Variants in GRIP2 observed in about 807,000 individuals in gnomAD.
GRIP2 encodes glutamate receptor-interacting protein 2.
GRIP2 carries 58 observed loss-of-function variants against 108.3 expected under a neutral mutation model. The observed-to-expected ratio is 0.54, with a 90% CI of 0.43 to 0.67. GRIP2 has a LOEUF of 0.67. GRIP2 is among the 30% of genes least tolerant of loss of function. The pLI is 0.00. For missense variants in GRIP2, 1,278 were observed against 1,430.6 expected (o/e 0.89, Z 1.72); for synonymous variants, 586 against 598.2 (o/e 0.98, Z 0.30).
intron 11 of GRIP2, among the ~76,000 whole-genome samples, chr3:14,515,495 T>C (rs1326893294): frequency 6.6e-6 from 1 of 152,114 alleles, no homozygotes; most frequent in African/African-American, 2.4e-5. Context: ...AAGTCATTTA[T>C]TATTTATCAA....
intron 20 of GRIP2, among the ~76,000 whole-genome samples, chr3:14,504,629 G>A (rs1693867476): frequency 6.6e-6 from 1 of 152,106 alleles, no homozygotes. Flanking sequence ...TCTTTTACAG[G>A]GGCACGCAAG....
Position 14,521,695 on chromosome 3 carries a change from C to G in GRIP2, c.659G>C (p.Arg220Pro). The G allele has an allele frequency of 1.9e-6, 3 of 1,611,904 alleles. No individual in the cohort carries two copies. Among genetic ancestry groups the G allele is most frequent in the Non-Finnish European group, 2.5e-6 (3 of 1,179,250 alleles). ...ASHATALATL[R>P]QCSHEALFQV... ...AAAGAGTGCCTCGTGGCTGCACTGCCGCAGGGTGGCCAGGGCGGTGGCATG... is the reference window on the plus strand; with the variant it reads ...AAAGAGTGCCTCGTGGCTGCACTGCGGCAGGGTGGCCAGGGCGGTGGCATG... The change falls in exon 7 of 24, where the codon CGG becomes CCG. Residue 220 changes from arginine (R) to proline (P), a missense_variant. Physicochemically the swap from Arg to Pro is moderately radical, Grantham distance 103 (BLOSUM62 -2). Coordinates refer to ENST00000621039, the MANE Select transcript of GRIP2 (RefSeq NM_001080423.4). The surrounding 1 kb of genome is among the most constrained non-coding windows in gnomAD (Gnocchi z 5.1).
chr3:14,539,300 T>C (rs1694904722), intron 1 of GRIP2, among the ~76,000 whole-genome samples: 1 of 152,186 alleles, frequency 6.6e-6, no homozygotes, highest in Admixed American at 6.5e-5. Context: ...ATTATGATTA[T>C]GAGTGTTATT....
At chr3:14,559,676 C>G (rs924636491), upstream of GRIP2, among the ~76,000 whole-genome samples, 2 of 145,542 alleles carry the variant, frequency 1.4e-5, no homozygotes, top group Non-Finnish European at 3.1e-5. Context: ...CTCCATAGAT[C>G]CCAGAAGATC....
intron 23 of GRIP2, among the ~76,000 whole-genome samples, chr3:14,494,088 A>G (rs771012403): frequency 2.0e-5 from 3 of 152,226 alleles, no homozygotes; most frequent in Non-Finnish European, 4.4e-5. Flanking sequence ...TCCCTTTCTC[A>G]CATGAAAGAG....
At chr3:14,528,612 T>A (rs1299158147) in intron 1 of GRIP2, among the ~76,000 whole-genome samples, 7 of 152,142 alleles carry the variant, frequency 4.6e-5, no homozygotes. Context: ...CCCCAACACT[T>A]TGGGAGGCCA....
chr3:14,557,929 C>T (rs1044475735), upstream of GRIP2, among the ~76,000 whole-genome samples: 3 of 152,196 alleles, frequency 2.0e-5, no homozygotes, highest in African/African-American at 7.2e-5. Flanking sequence ...CACGAGATCA[C>T]AAGCATAGAG....
At chr3:14,534,261 GT>G (rs1158773034) in intron 1 of GRIP2, among the ~76,000 whole-genome samples, 1 of 152,186 alleles carries the variant, frequency 6.6e-6, no homozygotes, top group Non-Finnish European at 1.5e-5. Flanking sequence ...TTTCCCCTCT[GT>G]AAAATGGGGG....
the GRIP2 span, among the ~76,000 whole-genome samples, chr3:14,581,613 T>G: frequency 2.0e-5 from 3 of 152,184 alleles, no homozygotes; most frequent in African/African-American, 7.2e-5. Context: ...CTTTGTCCAC[T>G]GGAAGGTAGA....
chr3:14,601,944 G>C, the GRIP2 span: 1 of 152,244 alleles, frequency 6.6e-6, no homozygotes, highest in Non-Finnish European at 1.5e-5. Flanking sequence ...TGTGACCTTG[G>C]GCAAGGGGCT....
the GRIP2 span, among the ~76,000 whole-genome samples, chr3:14,565,279 T>C: frequency 3.3e-5 from 5 of 152,264 alleles, no homozygotes; most frequent in Admixed American, 6.5e-5. Context: ...GGTGGGTTAA[T>C]TGAGAAGGGA....
rs1694406391 is a variant in GRIP2, at chr3:14,521,501, TA to T, written c.712+140del. The T allele has an allele frequency of 4.6e-6, 4 of 868,970 alleles. No individual in the cohort carries two copies. Among genetic ancestry groups the T allele is most frequent in the Middle Eastern group, 2.3e-4 (1 of 4,266 alleles). The allele number at this position is 868,970 out of a possible 1,614,324, so 53.8% of individuals were successfully genotyped here. The stretch of plus-strand genomic sequence containing the variant: ...CAAACAATGCCTAGCACATACTATT[TA>T]CTGCCCAGAGAAGCTGTGACTGGCC... On this transcript the variant is annotated intron_variant, in intron 7 of 23. Coordinates refer to ENST00000621039, the MANE Select transcript of GRIP2 (RefSeq NM_001080423.4). The surrounding 1 kb of genome is among the most constrained non-coding windows in gnomAD (Gnocchi z 5.1).
the GRIP2 span, among the ~76,000 whole-genome samples, chr3:14,578,521 A>G: frequency 6.6e-6 from 1 of 152,160 alleles, no homozygotes; most frequent in African/African-American, 2.4e-5. Context: ...GCTCAAGACC[A>G]GCCTGGCCAA....
the GRIP2 span, among the ~76,000 whole-genome samples, chr3:14,570,852 A>T: frequency 1.3e-5 from 2 of 152,234 alleles, no homozygotes; most frequent in Non-Finnish European, 2.9e-5. Flanking sequence ...TGTAAGGTAA[A>T]AGTTCTGCTT....
At chr3:14,566,172 G>A in the GRIP2 span, among the ~76,000 whole-genome samples, 15 of 152,190 alleles carry the variant, frequency 9.9e-5, no homozygotes, top group African/African-American at 3.1e-4. Context: ...CCATTCAAAC[G>A]AGCCACCGTA....
the GRIP2 span, among the ~76,000 whole-genome samples, chr3:14,597,328 G>GA: frequency 2.6e-5 from 4 of 152,022 alleles, no homozygotes; most frequent in South Asian, 2.1e-4. Flanking sequence ...TTCCAGTGGG[G>GA]AAAAAAAATC....
chr3:14,567,680 T>C, the GRIP2 span, among the ~76,000 whole-genome samples: 1 of 152,208 alleles, frequency 6.6e-6, no homozygotes, highest in Non-Finnish European at 1.5e-5. Flanking sequence ...TCCAGTAGCA[T>C]TTATTCCCAG....
chr3:14,574,083 TG>T, the GRIP2 span: 2 of 1,414,516 alleles, frequency 1.4e-6, no homozygotes, highest in African/African-American at 2.8e-5. Context: ...GTAGACCCAG[TG>T]GTTCCACAGA....
intron 1 of GRIP2, among the ~76,000 whole-genome samples, chr3:14,533,086 C>T (rs1010396082): frequency 1.3e-5 from 2 of 152,252 alleles, no homozygotes; most frequent in African/African-American, 4.8e-5. Context: ...CTCCGCTCAT[C>T]CGCCTTCCAC....
Sources: gnomAD v4.1 joint callset for allele counts (sites outside exome capture counted in the v4.1 genomes callset) on GRCh38, gnomAD v4.1.1 for gene constraint, Gnocchi (gnomAD v3.1) non-coding constraint, MANE v1.5 for transcripts, NCBI Gene and HGNC (gene_info 2026-07-23, HGNC 2026-07-21) for gene names.